Variants in RORA observed in about 807,000 individuals in gnomAD.
The protein encoded by RORA is nuclear receptor ROR-alpha.
Under a neutral mutation model 69.5 loss-of-function variants are expected in RORA, and 7 were observed. That is an observed-to-expected ratio of 0.10 (90% CI 0.06 to 0.19). The LOEUF is 0.19. Ranked by LOEUF, RORA falls within the 10% of genes least tolerant of loss-of-function variation. RORA has a pLI of 1.00. For synonymous variants in RORA, 261 were observed against 240.8 expected, an observed-to-expected ratio of 1.08 and a Z score of -0.78; for missense variants, 457 against 663.0, an observed-to-expected ratio of 0.69 and a Z score of 3.41.
At chr15:60,876,311 T>TGGGGGGGG (rs56278031) in intron 1 of RORA, among the ~76,000 whole-genome samples, 3 of 102,448 alleles carry the variant, frequency 2.9e-5, no homozygotes, top group East Asian at 3.1e-4. Context: ...TTACAGGAAG[T>TGGGGGGGG]GGGGGGGGGG....
chr15:60,833,922 C>G (rs2073081207), intron 1 of RORA, among the ~76,000 whole-genome samples: 7 of 152,100 alleles, frequency 4.6e-5, no homozygotes, highest in Admixed American at 4.6e-4. Flanking sequence ...GCCTTTGCAC[C>G]ATGAGGTTGT....
chr15:61,221,523 A>G (rs893414240), intron 1 of RORA, among the ~76,000 whole-genome samples: 3 of 152,210 alleles, frequency 2.0e-5, no homozygotes, highest in Admixed American at 6.5e-5. Context: ...ACTTTCCCCC[A>G]TTAAGCACAG....
chr15:60,580,563 G>A (rs890769536), intron 2 of RORA, among the ~76,000 whole-genome samples: 2 of 152,238 alleles, frequency 1.3e-5, no homozygotes, highest in African/African-American at 4.8e-5. Context: ...AATCGCTCCT[G>A]TGATGAATCT....
chr15:60,632,733 C>T (rs1399529484), intron 2 of RORA, among the ~76,000 whole-genome samples: 1 of 152,022 alleles, frequency 6.6e-6, no homozygotes, highest in Non-Finnish European at 1.5e-5. Flanking sequence ...AGCTGAGGCA[C>T]AAGTTTTGGG....
intron 1 of RORA, among the ~76,000 whole-genome samples, chr15:61,042,161 C>A (rs1312928869): frequency 6.6e-6 from 1 of 152,168 alleles, no homozygotes; most frequent in African/African-American, 2.4e-5. Flanking sequence ...AAAAGGCATA[C>A]CTCAACAATA....
chr15:61,185,654 C>A (rs1424689323), intron 1 of RORA, among the ~76,000 whole-genome samples: 1 of 152,208 alleles, frequency 6.6e-6, no homozygotes, highest in Non-Finnish European at 1.5e-5. Flanking sequence ...ATTGATCATG[C>A]AACAACTGAA....
At chr15:61,115,805 C>A (rs1372370663) in intron 1 of RORA, among the ~76,000 whole-genome samples, 1 of 152,116 alleles carries the variant, frequency 6.6e-6, no homozygotes, top group Admixed American at 6.5e-5. Flanking sequence ...AAGGAGGTCC[C>A]AAAGGGCCCA....
chr15:61,099,659 T>C (rs372286233), intron 1 of RORA, among the ~76,000 whole-genome samples: 7 of 152,224 alleles, frequency 4.6e-5, no homozygotes, highest in African/African-American at 1.2e-4. Flanking sequence ...ATCACAATTG[T>C]GTACCATGTT....
intron 1 of RORA, among the ~76,000 whole-genome samples, chr15:61,045,970 C>T (rs1896999745): frequency 1.3e-5 from 2 of 152,292 alleles, no homozygotes; most frequent in East Asian, 1.9e-4. Flanking sequence ...CAGACATCTG[C>T]AACCCCCACT....
chr15:61,000,703 T>C (rs1894718064), intron 1 of RORA, among the ~76,000 whole-genome samples: 1 of 152,344 alleles, frequency 6.6e-6, no homozygotes, highest in Admixed American at 6.5e-5. Context: ...TGATTACTAT[T>C]GTCCAGCACA....
intron 1 of RORA, among the ~76,000 whole-genome samples, chr15:60,806,803 G>C (rs954567458): frequency 6.6e-6 from 1 of 152,072 alleles, no homozygotes; most frequent in Admixed American, 6.6e-5. Flanking sequence ...ACCTTTTATG[G>C]ACAAAAAGGA....
At chr15:60,614,767 A>G (rs2069185521) in intron 2 of RORA, 7 of 744,440 alleles carry the variant, frequency 9.4e-6, no homozygotes, top group African/African-American at 1.8e-5. Flanking sequence ...CTCAAGAAAT[A>G]GGATACTTAA....
At chr15:61,118,205 G>C (rs922001794) in intron 1 of RORA, among the ~76,000 whole-genome samples, 19 of 152,136 alleles carry the variant, frequency 1.2e-4, no homozygotes, top group African/African-American at 4.3e-4. Context: ...GGGTAGGGGT[G>C]GGGGAATGTC....
intron 2 of RORA, among the ~76,000 whole-genome samples, chr15:60,597,783 C>A (rs1322259278): frequency 6.6e-6 from 1 of 150,696 alleles, no homozygotes; most frequent in Non-Finnish European, 1.5e-5. Context: ...GGCCCCTCAA[C>A]TGTAGCCTGA....
chr15:60,556,859 T>C (rs746142055), intron 2 of RORA: 1 of 1,610,344 alleles, frequency 6.2e-7, no homozygotes, highest in South Asian at 1.1e-5. Context: ...TCACCATTCA[T>C]GTATCCAGTT....
chr15:61,096,792 A>G (rs2078796714), intron 1 of RORA, among the ~76,000 whole-genome samples: 2 of 152,132 alleles, frequency 1.3e-5, no homozygotes, highest in Admixed American at 6.5e-5. Context: ...GGATAAATAC[A>G]CACTGGGGAG....
intron 1 of RORA, among the ~76,000 whole-genome samples, chr15:60,815,694 G>T (rs2072800091): frequency 6.6e-6 from 1 of 150,986 alleles, no homozygotes; most frequent in Non-Finnish European, 1.5e-5. Context: ...GCTCCCCTTG[G>T]CTCTTCATTA....
At position 60,671,260 on chromosome 15, in the gene RORA, C is replaced by T. The variant is rs566416082; in HGVS notation, c.196+7397G>A. Among the ~76,000 whole-genome samples the T allele has an allele frequency of 9.2e-4, 139 of 151,898 alleles. 2 individuals are homozygous for T. In the South Asian group the frequency reaches 0.026, roughly 29 times the overall value. ...AAAAGTATAAATTTATTATAAATGTCATTAATGTCCGTTAAAGGCTTTGTT... is the reference window on the plus strand; with the variant it reads ...AAAAGTATAAATTTATTATAAATGTTATTAATGTCCGTTAAAGGCTTTGTT... On this transcript the variant is annotated intron_variant, in intron 2 of 10. Transcript: ENST00000335670.
intron 1 of RORA, chr15:61,182,904 T>G (rs904329818): frequency 2.0e-5 from 3 of 152,304 alleles, no homozygotes; most frequent in African/African-American, 7.2e-5. Flanking sequence ...TTGGGGGGCC[T>G]TCTATAACGT....
Sources: gnomAD v4.1 joint callset for allele counts (sites outside exome capture counted in the v4.1 genomes callset) on GRCh38, gnomAD v4.1.1 for gene constraint, MANE v1.5 for transcripts, NCBI Gene and HGNC (gene_info 2026-07-23, HGNC 2026-07-21) for gene names.